Variants in TRPC4 observed in about 807,000 individuals in gnomAD.
TRPC4 encodes the protein short transient receptor potential channel 4.
In TRPC4, 49 loss-of-function variants were observed where a neutral mutation model predicts 99.4. That is an observed-to-expected ratio of 0.49 (90% CI 0.39 to 0.63). TRPC4 has a LOEUF of 0.63. Ranked by LOEUF, TRPC4 falls within the 20% of genes least tolerant of loss-of-function variation. TRPC4 has a pLI of 0.00. For synonymous variants in TRPC4, 454 were observed against 425.9 expected (o/e 1.07, Z -0.81); for missense variants, 898 against 1,152.9 (o/e 0.78, Z 3.20).
At chr13:37,656,850 C>T (rs7332871) in intron 6 of TRPC4, among the ~76,000 whole-genome samples, 60,827 of 152,016 alleles carry the variant, frequency 0.4, 12,790 homozygotes, top group East Asian at 0.73. Flanking sequence ...CACAGAGTAA[C>T]AATCCCATGG....
intron 3 of TRPC4, among the ~76,000 whole-genome samples, chr13:37,720,611 A>T (rs914000357): frequency 2.6e-5 from 4 of 152,134 alleles, no homozygotes; most frequent in African/African-American, 7.2e-5. Context: ...TTACAAATAA[A>T]TATTTATTTC....
intron 4 of TRPC4, among the ~76,000 whole-genome samples, chr13:37,675,821 G>A (rs1416926936): frequency 6.6e-6 from 1 of 152,148 alleles, no homozygotes; most frequent in Non-Finnish European, 1.5e-5. Flanking sequence ...GGACATCAGA[G>A]AGTTTTCCTG....
At chr13:37,650,204 T>C (rs1951994049) in intron 8 of TRPC4, among the ~76,000 whole-genome samples, 1 of 152,082 alleles carries the variant, frequency 6.6e-6, no homozygotes, top group African/African-American at 2.4e-5. Flanking sequence ...TAAAATAAAA[T>C]TGAAAACAAA....
chr13:37,822,776 G>T (rs1018375642), intron 1 of TRPC4, among the ~76,000 whole-genome samples: 1 of 152,110 alleles, frequency 6.6e-6, no homozygotes, highest in African/African-American at 2.4e-5. Flanking sequence ...AGTACTTTGG[G>T]TATATACCCA....
At chr13:37,766,877 T>C (rs1345958185) in intron 2 of TRPC4, among the ~76,000 whole-genome samples, 1 of 151,468 alleles carries the variant, frequency 6.6e-6, no homozygotes, top group Admixed American at 6.6e-5. Flanking sequence ...CAGAGTGATT[T>C]ATAAATGTAA....
At chr13:37,794,691 ACT>A (rs1377806115) in intron 1 of TRPC4, among the ~76,000 whole-genome samples, 1 of 152,014 alleles carries the variant, frequency 6.6e-6, no homozygotes, top group Non-Finnish European at 1.5e-5. Context: ...TAACTTTGTC[ACT>A]CTTTTACTTT....
In TRPC4 at chr13:37,635,832, A is replaced by G. The variant is rs946790120; in HGVS notation, c.*1071T>C. 7.2e-5 allele frequency among the ~76,000 whole-genome samples: 11 copies of G among 152,110 alleles called. No homozygotes were observed. The highest frequency in any genetic ancestry group is 2.7e-4 in the African/African-American group (11 of 41,448). On this transcript the variant is annotated 3_prime_UTR_variant, in exon 11 of 11. Coordinates refer to ENST00000379705, the MANE Select transcript of TRPC4 (RefSeq NM_016179.4). ...GTTTTTCCTATAGGCAAAACTATAT[A>G]TCTATATCTGCTGATAAAATTAATA...
intron 1 of TRPC4, among the ~76,000 whole-genome samples, chr13:37,862,316 TG>T (rs2139723219): frequency 6.6e-6 from 1 of 151,706 alleles, no homozygotes; most frequent in African/African-American, 2.4e-5. Flanking sequence ...AACCAGACTT[TG>T]GAAAACAACT....
chr13:37,644,593 G>A (rs562129678), intron 8 of TRPC4, among the ~76,000 whole-genome samples: 5 of 152,022 alleles, frequency 3.3e-5, no homozygotes, highest in South Asian at 2.1e-4. Flanking sequence ...ACTTGTGGCC[G>A]GGCGCGGTGG....
chr13:37,784,464 G>GTATT (rs1956921850), intron 1 of TRPC4, among the ~76,000 whole-genome samples: 1 of 152,016 alleles, frequency 6.6e-6, no homozygotes, highest in East Asian at 1.9e-4. Flanking sequence ...TAGAAAAAAA[G>GTATT]TATTACATCT....
rs1488293555 is a variant in TRPC4, at chr13:37,633,998, G to A, written c.*2905C>T. Among the ~76,000 whole-genome samples the A allele has an allele frequency of 1.3e-5, 2 of 151,990 alleles. No homozygotes were observed. The highest frequency in any genetic ancestry group is 2.9e-5 in the Non-Finnish European group (2 of 67,938). On this transcript the variant is annotated 3_prime_UTR_variant, in exon 11 of 11. Coordinates refer to ENST00000379705, the MANE Select transcript of TRPC4 (RefSeq NM_016179.4). ...CCAAAATACAATTGTGATAAACAAA[G>A]TGTTTTAAACTTACCTGCTAGTCTA... is the stretch of plus-strand genomic sequence containing the variant.
Position 37,825,354 on chromosome 13 carries a change from A to T in TRPC4, c.-27-41994T>A, listed in dbSNP as rs1466886336. 2.7e-5 allele frequency among the ~76,000 whole-genome samples: 4 copies of T among 148,520 alleles called. No homozygotes were observed. The East Asian group carries it at 6.1e-4, about 23-fold the overall frequency. ...TGCTCTTGCTTTTCTAGTTCTTTTA[A>T]TTGTGATGTTAGGGTGTCAATTTTG... is the stretch of plus-strand genomic sequence containing the variant. On this transcript the variant is annotated intron_variant, in intron 1 of 10. Coordinates refer to ENST00000379705, the MANE Select transcript of TRPC4 (RefSeq NM_016179.4).
At chr13:37,744,215 T>A (rs1010749866) in intron 3 of TRPC4, among the ~76,000 whole-genome samples, 7 of 152,202 alleles carry the variant, frequency 4.6e-5, no homozygotes, top group African/African-American at 7.2e-5. Context: ...ATATGGATCT[T>A]TAAGAAGATT....
At chr13:37,833,328 T>A (rs1958472568) in intron 1 of TRPC4, among the ~76,000 whole-genome samples, 1 of 152,092 alleles carries the variant, frequency 6.6e-6, no homozygotes, top group Non-Finnish European at 1.5e-5. Flanking sequence ...GAAAAAAAAA[T>A]TATCTAAAAG....
In TRPC4 at chr13:37,707,330, G is replaced by A. The variant is rs562174179; in HGVS notation, c.898-14995C>T. The stretch of plus-strand genomic sequence containing the variant: ...AAAGCAACTTGTATGTTTTGAGTAG[G>A]AAACTTCAATATTCAGTATCACTCT... On this transcript the variant is annotated intron_variant, in intron 3 of 10. Coordinates refer to ENST00000379705, the MANE Select transcript of TRPC4 (RefSeq NM_016179.4). Among the ~76,000 whole-genome samples the A allele has an allele frequency of 5.9e-5, 9 of 152,124 alleles. No homozygotes were observed. The South Asian group carries it at 1.5e-3, about 25-fold the overall frequency.
chr13:37,701,774 C>T (rs957153373), intron 3 of TRPC4, among the ~76,000 whole-genome samples: 1 of 152,150 alleles, frequency 6.6e-6, no homozygotes, highest in Non-Finnish European at 1.5e-5. Context: ...TGAATAAGGA[C>T]TTCACTGATT....
chr13:37,774,416 G>A (rs577261227), intron 2 of TRPC4, among the ~76,000 whole-genome samples: 1 of 151,868 alleles, frequency 6.6e-6, no homozygotes, highest in Non-Finnish European at 1.5e-5. Context: ...AAAAACGAGT[G>A]TATAAAACAT....
intron 8 of TRPC4, among the ~76,000 whole-genome samples, chr13:37,640,418 A>T (rs1951683308): frequency 6.6e-6 from 1 of 152,148 alleles, no homozygotes; most frequent in Non-Finnish European, 1.5e-5. Flanking sequence ...TGCTATTTTC[A>T]CTGGCCATAA....
intron 1 of TRPC4, among the ~76,000 whole-genome samples, chr13:37,824,081 G>C (rs1013092945): frequency 2.0e-5 from 3 of 147,806 alleles, no homozygotes; most frequent in East Asian, 2.0e-4. Flanking sequence ...TTTGTCTGTT[G>C]TTGGTGTATA....
Sources: allele counts gnomAD v4.1 joint callset (sites outside exome capture counted in the v4.1 genomes callset), GRCh38; gene constraint gnomAD v4.1.1; transcripts MANE v1.5; gene names NCBI Gene and HGNC (gene_info 2026-07-23, HGNC 2026-07-21).